The following XPR1 variants were observed in gnomAD, a reference collection of about 807,000 sequenced individuals.
The protein encoded by XPR1 is xenotropic and polytropic retrovirus receptor 1.
A neutral mutation model predicts 87.5 loss-of-function variants in XPR1; 28 were observed. That is an observed-to-expected ratio of 0.32 (90% confidence interval 0.24 to 0.44). XPR1 has a LOEUF of 0.44. Among genes scored for constraint, XPR1 ranks in the 20% least tolerant of loss-of-function variants. The pLI is 1.00. For synonymous variants in XPR1, 300 were observed against 306.1 expected, an observed-to-expected ratio of 0.98 and a Z score of 0.21; for missense variants, 559 against 862.3, an observed-to-expected ratio of 0.65 and a Z score of 4.41.
At chr1:180,683,595 G>A (rs1219737675) in intron 2 of XPR1, among the ~76,000 whole-genome samples, 1 of 152,158 alleles carries the variant, frequency 6.6e-6, no homozygotes, top group African/African-American at 2.4e-5. Flanking sequence ...GTGTAAAAGT[G>A]TTCCTATTTC....
At chr1:180,658,484 G>GT (rs1166386395) in intron 1 of XPR1, among the ~76,000 whole-genome samples, 2 of 151,988 alleles carry the variant, frequency 1.3e-5, no homozygotes, top group African/African-American at 4.8e-5. Flanking sequence ...TTTTTTGAGG[G>GT]TTTTTATTAT....
chr1:180,687,972 T>C (rs1656842887), intron 2 of XPR1, among the ~76,000 whole-genome samples: 1 of 151,646 alleles, frequency 6.6e-6, no homozygotes, highest in Non-Finnish European at 1.5e-5. Flanking sequence ...TATTTTTGTG[T>C]AACCATTTAC....
At chr1:180,723,291 C>T (rs1437816194) in intron 2 of XPR1, among the ~76,000 whole-genome samples, 1 of 152,154 alleles carries the variant, frequency 6.6e-6, no homozygotes, top group African/African-American at 2.4e-5. Context: ...ACTTAAAATA[C>T]TTCTGAAATT....
At chr1:180,798,607 A>C (rs1298895517) in intron 3 of XPR1, among the ~76,000 whole-genome samples, 1 of 151,950 alleles carries the variant, frequency 6.6e-6, no homozygotes, top group African/African-American at 2.4e-5. Context: ...TAATTGCTGT[A>C]GGGTTTTTTT....
At chr1:180,728,303 G>T (rs938762261) in intron 2 of XPR1, among the ~76,000 whole-genome samples, 7 of 145,334 alleles carry the variant, frequency 4.8e-5, no homozygotes, top group South Asian at 2.3e-4. Context: ...TAACTGGGGG[G>T]GGGGGTAGTA....
chr1:180,760,796 C>T (rs542275142), intron 2 of XPR1, among the ~76,000 whole-genome samples: 322 of 152,238 alleles, frequency 2.1e-3, no homozygotes, highest in Non-Finnish European at 3.9e-3. Flanking sequence ...AAAAAAGAGC[C>T]CGCATCGCCA....
chr1:180,690,665 T>C (rs1369752456), intron 2 of XPR1, among the ~76,000 whole-genome samples: 1 of 151,932 alleles, frequency 6.6e-6, no homozygotes, highest in African/African-American at 2.4e-5. Flanking sequence ...TTTCTTTGCA[T>C]AGCATTTGTT....
intron 12 of XPR1, among the ~76,000 whole-genome samples, chr1:180,865,403 C>CT (rs756971131): frequency 0.02 from 2,769 of 140,538 alleles, 80 homozygotes; most frequent in African/African-American, 0.062. Context: ...ACATTTGTTT[C>CT]TTTTTTTTTT....
intron 2 of XPR1, among the ~76,000 whole-genome samples, chr1:180,720,666 C>T (rs1447326302): frequency 6.6e-6 from 1 of 152,166 alleles, no homozygotes; most frequent in Non-Finnish European, 1.5e-5. Context: ...TTGGACCTCA[C>T]CCCAGATCTA....
intron 2 of XPR1, among the ~76,000 whole-genome samples, chr1:180,724,712 A>G (rs1177651808): frequency 6.6e-6 from 1 of 152,210 alleles, no homozygotes; most frequent in East Asian, 1.9e-4. Flanking sequence ...AACGTTATTT[A>G]GCTAGAACTA....
chr1:180,680,995 A>G (rs935531768), intron 1 of XPR1, among the ~76,000 whole-genome samples: 2 of 152,206 alleles, frequency 1.3e-5, no homozygotes, highest in Non-Finnish European at 2.9e-5. Context: ...TCATATGTGG[A>G]ACCTAAGAAT....
chr1:180,775,361 A>T (rs2102070983), intron 2 of XPR1, among the ~76,000 whole-genome samples: 1 of 152,226 alleles, frequency 6.6e-6, no homozygotes, highest in Non-Finnish European at 1.5e-5. Flanking sequence ...AGGCAGGGGG[A>T]TCCCTTGAGC....
chr1:180,646,226 G>A lies in XPR1; in HGVS notation c.69+13956G>A, dbSNP rs184614309. 1.2e-3 allele frequency among the ~76,000 whole-genome samples: 183 copies of A among 152,228 alleles called. 1 individual carries two copies. The highest frequency in any genetic ancestry group is 2.0e-3 in the Non-Finnish European group (137 of 68,002). The stretch of plus-strand genomic sequence containing the variant: ...CCACCTTTTGAACTGCAGCCTCTCC[G>A]TAAAGGTCATGACAAACGTCCTTAG... On this transcript the variant is annotated intron_variant, in intron 1 of 14. Coordinates refer to ENST00000367590, the MANE Select transcript of XPR1 (RefSeq NM_004736.4).
chr1:180,796,941 C>T (rs1302244685), intron 3 of XPR1, among the ~76,000 whole-genome samples: 1 of 152,070 alleles, frequency 6.6e-6, no homozygotes, highest in African/African-American at 2.4e-5. Context: ...GATTCTTTTA[C>T]ATGAAATGTT....
chr1:180,836,043 C>T (rs1484390205), intron 10 of XPR1, among the ~76,000 whole-genome samples: 1 of 152,046 alleles, frequency 6.6e-6, no homozygotes, highest in Non-Finnish European at 1.5e-5. Context: ...ACCTTCTCTC[C>T]TTGACTTATC....
intron 1 of XPR1, among the ~76,000 whole-genome samples, chr1:180,677,901 G>A (rs954615994): frequency 3.3e-5 from 5 of 152,274 alleles, no homozygotes; most frequent in Middle Eastern, 3.4e-3. Context: ...CAGATCTTTT[G>A]TACTGTAATA....
At chr1:180,835,198 C>T (rs1651235914) in intron 10 of XPR1, among the ~76,000 whole-genome samples, 153 bp downstream of exon 10, 1 of 152,176 alleles carries the variant, frequency 6.6e-6, no homozygotes, top group African/African-American at 2.4e-5. Context: ...TTAGCAGTCT[C>T]CTTATCTGAT....
chr1:180,684,753 G>A (rs942625659), intron 2 of XPR1, among the ~76,000 whole-genome samples: 1 of 152,102 alleles, frequency 6.6e-6, no homozygotes, highest in Non-Finnish European at 1.5e-5. Flanking sequence ...TGAAGCAATG[G>A]TGAATGGGAG....
intron 1 of XPR1, among the ~76,000 whole-genome samples, chr1:180,643,654 C>T (rs995303779): frequency 6.6e-6 from 1 of 152,110 alleles, no homozygotes; most frequent in Non-Finnish European, 1.5e-5. Context: ...AAGTAATTGT[C>T]CAAAGTCAAA....
Sources: gnomAD v4.1 joint callset for allele counts (sites outside exome capture counted in the v4.1 genomes callset) on GRCh38, gnomAD v4.1.1 for gene constraint, MANE v1.5 for transcripts, NCBI Gene and HGNC (gene_info 2026-07-23, HGNC 2026-07-21) for gene names.